SNCAIP: variants seen among roughly 807,000 people sequenced by gnomAD.
SNCAIP encodes synuclein alpha interacting protein.
In SNCAIP, 43 loss-of-function variants were observed where a neutral mutation model predicts 86.7. The ratio of observed to expected loss-of-function variants is 0.50; its 90% CI spans 0.39 to 0.64. SNCAIP has a LOEUF of 0.64. SNCAIP is among the 30% of genes least tolerant of loss of function. The probability of loss-of-function intolerance (pLI) is 0.00; values close to 1 mark genes in which losing one functional copy is unlikely to be tolerated. For missense variants in SNCAIP, 981 were observed against 1,103.1 expected (o/e 0.89, Z 1.57); for synonymous variants, 417 against 427.2 (o/e 0.98, Z 0.29).
Position 122,370,503 on chromosome 5 carries a change from A to T in SNCAIP, c.-46-20586A>T, listed in dbSNP as rs375865962. 2.1e-3 allele frequency among the ~76,000 whole-genome samples: 319 copies of T among 152,278 alleles called. 2 individuals are homozygous for T. The highest frequency in any genetic ancestry group is 7.4e-3 in the African/African-American group (307 of 41,546). On this transcript the variant is annotated intron_variant, in intron 1 of 10. Coordinates refer to ENST00000261368, the MANE Select transcript of SNCAIP (RefSeq NM_005460.4). Reference sequence around the variant, plus strand: ...ATTGCACCCTGTGTACCATCCTTAGAATCCAGGCCATGCTGAGCACACAAC... The same window carrying T: ...ATTGCACCCTGTGTACCATCCTTAGTATCCAGGCCATGCTGAGCACACAAC...
intron 2 of SNCAIP, among the ~76,000 whole-genome samples, chr5:122,397,480 A>G (rs1471950189): frequency 6.6e-6 from 1 of 152,154 alleles, no homozygotes; most frequent in East Asian, 1.9e-4. Flanking sequence ...TCAAATACCA[A>G]CCACAAACAA....
At chr5:122,437,329 A>T (rs988365690) in intron 6 of SNCAIP, 11 of 152,236 alleles carry the variant, frequency 7.2e-5, no homozygotes, top group Admixed American at 5.9e-4. Context: ...GAATCAGGGC[A>T]GGATTTGTCT....
chr5:122,454,008 C>T (rs1229089157), intron 10 of SNCAIP, among the ~76,000 whole-genome samples: 1 of 152,208 alleles, frequency 6.6e-6, no homozygotes. Context: ...ATCCACCTGC[C>T]TCAGCCTTCC....
intron 1 of SNCAIP, among the ~76,000 whole-genome samples, chr5:122,384,932 T>C (rs535907647): frequency 6.6e-6 from 1 of 152,302 alleles, no homozygotes; most frequent in Non-Finnish European, 1.5e-5. Context: ...CAATCAATGC[T>C]AAATCAATGT....
Position 122,417,758 on chromosome 5 carries a change from C to A in SNCAIP, c.131-5110C>A, listed in dbSNP as rs371742287. The stretch of plus-strand genomic sequence containing the variant: ...CCCACCTCCCCTTTTATTCATTCAT[C>A]CATTCATTGAAAGATTAAGTCATTG... On this transcript the variant is annotated intron_variant, in intron 3 of 10. Transcript: ENST00000261368. Among the ~76,000 whole-genome samples, 8 of 151,998 alleles carry A rather than the reference C, an allele frequency of 5.3e-5. No individual in the cohort carries two copies. In the South Asian group the frequency reaches 1.3e-3, roughly 24 times the overall value.
At chr5:122,389,915 C>T (rs1433228612) in intron 1 of SNCAIP, 2 of 151,610 alleles carry the variant, frequency 1.3e-5, no homozygotes, top group African/African-American at 2.4e-5. Context: ...ATAATTATAC[C>T]ATTTGCAGAG....
At chr5:122,448,097 T>G (rs1782718351) in intron 8 of SNCAIP, among the ~76,000 whole-genome samples, 1 of 152,160 alleles carries the variant, frequency 6.6e-6, no homozygotes, top group Admixed American at 6.5e-5. Context: ...ATAATTAGAT[T>G]TAGCCAGCTA....
intron 1 of SNCAIP, among the ~76,000 whole-genome samples, chr5:122,342,230 C>G (rs577594167): frequency 2.0e-5 from 3 of 152,040 alleles, no homozygotes; most frequent in Non-Finnish European, 4.4e-5. Flanking sequence ...TGTCTTGTCA[C>G]CCGAGTACTT....
chr5:122,335,459 G>C (rs1756248365), intron 1 of SNCAIP, among the ~76,000 whole-genome samples: 1 of 152,186 alleles, frequency 6.6e-6, no homozygotes, highest in Non-Finnish European at 1.5e-5. Flanking sequence ...CTTTTGAAAA[G>C]TGAAAGGTGT....
chr5:122,315,293 G>A (rs866911079), intron 1 of SNCAIP, among the ~76,000 whole-genome samples: 10 of 152,128 alleles, frequency 6.6e-5, no homozygotes, highest in Non-Finnish European at 1.0e-4. Context: ...GTAACATAAC[G>A]AGTGGCTGGG....
chr5:122,393,387 G>C (rs925358311), intron 2 of SNCAIP, among the ~76,000 whole-genome samples: 5 of 152,128 alleles, frequency 3.3e-5, no homozygotes, highest in African/African-American at 1.2e-4. Flanking sequence ...TTACAGATGA[G>C]GAAACTGCAG....
chr5:122,362,794 G>A (rs956601855), intron 1 of SNCAIP, among the ~76,000 whole-genome samples: 1 of 152,088 alleles, frequency 6.6e-6, no homozygotes, highest in East Asian at 1.9e-4. Context: ...TGCCCTCCTT[G>A]ATAAGATAAT....
At chr5:122,411,262 C>T (rs926781208) in intron 3 of SNCAIP, among the ~76,000 whole-genome samples, 1 of 152,154 alleles carries the variant, frequency 6.6e-6, no homozygotes, top group Non-Finnish European at 1.5e-5. Context: ...AATGGATACA[C>T]GGCCAAGTCC....
At chr5:122,373,979 G>A (rs944267604) in intron 1 of SNCAIP, among the ~76,000 whole-genome samples, 8 of 152,168 alleles carry the variant, frequency 5.3e-5, no homozygotes, top group African/African-American at 1.9e-4. Context: ...TCGAATGCAG[G>A]AAATGATACA....
intron 1 of SNCAIP, among the ~76,000 whole-genome samples, chr5:122,317,695 TGAAAA>T (rs570022634): frequency 1.7e-4 from 26 of 152,214 alleles, no homozygotes; most frequent in African/African-American, 4.8e-4. Flanking sequence ...AAGGAAATAT[TGAAAA>T]GAAGAGATAG....
At chr5:122,452,107 C>T (rs1197795061) in intron 10 of SNCAIP, among the ~76,000 whole-genome samples, 1 of 152,200 alleles carries the variant, frequency 6.6e-6, no homozygotes, top group Non-Finnish European at 1.5e-5. Context: ...GAATACACCA[C>T]AGGGACCTCC....
chr5:122,342,025 G>A (rs1377569832), intron 1 of SNCAIP, among the ~76,000 whole-genome samples: 1 of 152,026 alleles, frequency 6.6e-6, no homozygotes, highest in Non-Finnish European at 1.5e-5. Flanking sequence ...CCTCTAAGAG[G>A]GTGGAACTAA....
At chr5:122,440,570 TTTTTA>T in intron 6 of SNCAIP, 54 bp from the exon 7 acceptor site, 1 of 1,553,320 alleles carries the variant, frequency 6.4e-7, no homozygotes. Flanking sequence ...TTCCTCTGTC[TTTTTA>T]TCTAACTTCT....
At chr5:122,351,563 A>AAAAAAAAAAAAAAAAAAAC in intron 1 of SNCAIP, among the ~76,000 whole-genome samples, 1 of 148,234 alleles carries the variant, frequency 6.7e-6, no homozygotes, top group Non-Finnish European at 1.5e-5. Context: ...AAAAAAAAAA[A>AAAAAAAAAAAAAAAAAAAC]AAAGAACTAA....
Sources: allele counts gnomAD v4.1 joint callset (sites outside exome capture counted in the v4.1 genomes callset), GRCh38; gene constraint gnomAD v4.1.1; transcripts MANE v1.5; gene names NCBI Gene and HGNC (gene_info 2026-07-23, HGNC 2026-07-21).